Variants in WRN observed in about 807,000 individuals in gnomAD.
WRN encodes bifunctional 3'-5' exonuclease/ATP-dependent helicase WRN.
WRN carries 149 observed loss-of-function variants against 180.7 expected under a neutral mutation model. The observed-to-expected ratio is 0.82, with a 90% confidence interval of 0.72 to 0.94. The LOEUF (loss-of-function observed/expected upper bound fraction) is 0.94. WRN is among the 40% of genes least tolerant of loss of function. The pLI is 0.00. For missense variants in WRN, 1,661 were observed against 1,700.1 expected, an observed-to-expected ratio of 0.98 and a Z score of 0.40; for synonymous variants, 548 against 568.9, an observed-to-expected ratio of 0.96 and a Z score of 0.52.
intron 17 of WRN, among the ~76,000 whole-genome samples, chr8:31,099,151 C>A (rs7839546): frequency 0.01 from 1,551 of 151,744 alleles, 28 homozygotes; most frequent in African/African-American, 0.036. Context: ...GTAATCCCAG[C>A]ACTTTGGGAG....
At position 31,064,953 on chromosome 8, in the gene WRN, G is replaced by A. The variant is rs951969651; in HGVS notation, c.394G>A (p.Ala132Thr). 9 of 1,613,644 alleles carry A rather than the reference G, an allele frequency of 5.6e-6. No homozygotes were observed. Among genetic ancestry groups the A allele is most frequent in the Admixed American group, 1.7e-5 (1 of 60,020 alleles). ...QGLKMLLENK[A>T]VKKAGVGIEG... is the part of the protein sequence containing the mutation. The stretch of plus-strand genomic sequence containing the variant: ...ATTAAAAATGTTGCTTGAAAATAAA[G>A]CAGTTAAAAAGGCAGGTGTAGGAAT... Residue 132 changes from alanine (A) to threonine (T), a missense_variant, in exon 5 of 35, where the codon GCA (alanine) becomes ACA (threonine). Around this residue, in one of 3 missense-constraint regions of WRN, gnomAD observed 500 missense variants for 504.1 expected, o/e 0.99. Transcript: ENST00000298139.
At position 31,059,091 on chromosome 8, in the gene WRN, T is replaced by G. The variant is rs534118637; in HGVS notation, c.97-62T>G. ...GAATGCTTCAGTGAACTTTATTATT[T>G]CAGTGAACATTTGTTATTTGATGTG... On this transcript the variant is annotated intron_variant, in intron 2 of 34. Coordinates refer to ENST00000298139, the MANE Select transcript of WRN (RefSeq NM_000553.6). 2.6e-4 allele frequency: 318 copies of G among 1,223,888 alleles called. No individual in the cohort carries two copies. In the Middle Eastern group the frequency reaches 2.8e-3, roughly 11 times the overall value. The allele number at this position is 1,223,888 out of a possible 1,614,324, so 75.8% of individuals were successfully genotyped here.
rs71539917 is a variant in WRN at position 31,140,003 on chromosome 8, G to GTTTTTTTTTTTTTTTTTTT, written c.2968-1415_2968-1397dup. On this transcript the variant is annotated intron_variant, in intron 24 of 34. Transcript: ENST00000298139. ...AAGCTCTATGTTTGTATACTTCTTTGTTTTTTTTTTTTTTTTTTTTTTTTT... is the reference window on the plus strand; with the variant it reads ...AAGCTCTATGTTTGTATACTTCTTTGTTTTTTTTTTTTTTTTTTTTTTTTTTTTTTTTTTTTTTTTTTTT... Among the ~76,000 whole-genome samples the GTTTTTTTTTTTTTTTTTTT allele has an allele frequency of 3.1e-4, 19 of 62,088 alleles. 2 individuals are homozygous for GTTTTTTTTTTTTTTTTTTT. The highest frequency in any genetic ancestry group is 5.9e-4 in the East Asian group (1 of 1,694). The allele number at this position is 62,088 out of a possible 152,430, so 40.7% of individuals were successfully genotyped here.
chr8:31,050,721 C>T (rs1812049247), intron 1 of WRN, among the ~76,000 whole-genome samples: 1 of 152,064 alleles, frequency 6.6e-6, no homozygotes, highest in Non-Finnish European at 1.5e-5. Context: ...TTCAGAGAAA[C>T]ATTGTGAAAT....
At chr8:31,161,838 C>CAAAAAAA (rs1157979302) in intron 33 of WRN, among the ~76,000 whole-genome samples, 4 of 97,764 alleles carry the variant, frequency 4.1e-5, no homozygotes, top group Non-Finnish European at 5.8e-5. Context: ...GACTCTGTCT[C>CAAAAAAA]AAAAAAAAAA....
chr8:31,123,559 T>C (rs1390793125), intron 21 of WRN, among the ~76,000 whole-genome samples: 1 of 152,100 alleles, frequency 6.6e-6, no homozygotes, highest in East Asian at 1.9e-4. Context: ...CATTTGTGTC[T>C]TCAGACTTTC....
chr8:31,034,295 TG>T (rs11574162), intron 1 of WRN, among the ~76,000 whole-genome samples: 47 of 152,362 alleles, frequency 3.1e-4, no homozygotes, highest in Middle Eastern at 3.4e-3. Context: ...ACTACAGGTC[TG>T]CACAGCAAAG....
intron 5 of WRN, among the ~76,000 whole-genome samples, chr8:31,065,322 A>C (rs11574200): frequency 3.9e-5 from 6 of 152,074 alleles, no homozygotes; most frequent in Non-Finnish European, 5.9e-5. Context: ...TATCATACAG[A>C]TTATTTTATC....
At chr8:31,084,175 T>C (rs1813433036) in intron 10 of WRN, among the ~76,000 whole-genome samples, 1 of 152,042 alleles carries the variant, frequency 6.6e-6, no homozygotes, top group Non-Finnish European at 1.5e-5. Context: ...ATTTTTATAG[T>C]TTTAGTAGAG....
intron 24 of WRN, among the ~76,000 whole-genome samples, chr8:31,135,801 C>CTCTCTTCTCTTCTCT (rs59676141): frequency 6.6e-5 from 10 of 151,088 alleles, no homozygotes; most frequent in African/African-American, 2.4e-4. Flanking sequence ...GTCTTTTCTT[C>CTCTCTTCTCTTCTCT]TCTCTTCTCT....
chr8:31,097,152 T>G (rs1261577125), intron 17 of WRN, among the ~76,000 whole-genome samples: 1 of 152,228 alleles, frequency 6.6e-6, no homozygotes, highest in African/African-American at 2.4e-5. Flanking sequence ...GTTTCCCCAG[T>G]GCAGTGCTTG....
At chr8:31,091,271 A>G (rs1045350319) in intron 15 of WRN, among the ~76,000 whole-genome samples, 4 of 152,242 alleles carry the variant, frequency 2.6e-5, no homozygotes, top group African/African-American at 9.6e-5. Flanking sequence ...ACATGGAAGT[A>G]TATTTTTTAT....
chr8:31,111,691 A>C lies in WRN; in HGVS notation c.2165A>C (p.Asn722Thr). Residue 722 changes from asparagine (N) to threonine (T), a missense_variant, in exon 19 of 35, where the codon AAT (asparagine) becomes ACT (threonine). This residue lies in a region of WRN where 1,141 missense variants were observed against 1,149.4 expected (regional missense o/e 0.99). Coordinates refer to ENST00000298139, the MANE Select transcript of WRN (RefSeq NM_000553.6). Reference protein sequence around the residue: ...EDIVRCLNLRNPQITCTGFDR... With the variant: ...EDIVRCLNLRTPQITCTGFDR... ...ATTGTACGTTGCTTAAATCTGAGAA[A>C]TCCTCAGATCACCTGTACTGGTTTT... The C allele has an allele frequency of 3.1e-6, 5 of 1,614,078 alleles. No homozygotes were observed. The highest frequency in any genetic ancestry group is 3.4e-6 in the Non-Finnish European group (4 of 1,179,978).
intron 34 of WRN, among the ~76,000 whole-genome samples, chr8:31,169,369 G>A (rs548245966): frequency 6.6e-6 from 1 of 151,668 alleles, no homozygotes; most frequent in Non-Finnish European, 1.5e-5. Flanking sequence ...TTTTACCAAA[G>A]GAGCAACACT....
At chr8:31,139,598 C>T (rs1802527327) in intron 24 of WRN, among the ~76,000 whole-genome samples, 1 of 152,156 alleles carries the variant, frequency 6.6e-6, no homozygotes, top group Non-Finnish European at 1.5e-5. Context: ...CAGGAAGCTT[C>T]TACCTTTGCA....
intron 3 of WRN, among the ~76,000 whole-genome samples, chr8:31,062,159 C>T (rs1196159935): frequency 1.3e-5 from 2 of 152,236 alleles, no homozygotes; most frequent in East Asian, 3.9e-4. Context: ...TCCTGTACTG[C>T]CTGTTGTCTA....
At chr8:31,129,162 T>G (rs1355460790) in intron 23 of WRN, among the ~76,000 whole-genome samples, 1 of 152,178 alleles carries the variant, frequency 6.6e-6, no homozygotes, top group East Asian at 1.9e-4. Context: ...AATTTTTTTT[T>G]GGTAGAGACA....
intron 20 of WRN, among the ~76,000 whole-genome samples, chr8:31,118,643 A>T (rs1349817161): frequency 3.3e-5 from 5 of 152,070 alleles, no homozygotes; most frequent in Admixed American, 3.3e-4. Flanking sequence ...TGACAGCTGT[A>T]GCTCTTAATG....
Position 31,124,555 on chromosome 8 carries a change from T to G in WRN, c.2664T>G (p.Phe888Leu). 3 of 1,612,890 alleles carry G rather than the reference T, an allele frequency of 1.9e-6. No individual in the cohort carries two copies. The highest frequency in any genetic ancestry group is 2.5e-6 in the Non-Finnish European group (3 of 1,179,176). ...TTACTGAGATACGTAATGAGAAGTT[T>G]CGATTATACAAATTAAAGATGATGG... ...HLLTEIRNEKFRLYKLKMMAK... is the reference protein window; with the variant it reads ...HLLTEIRNEKLRLYKLKMMAK... The change falls in exon 22 of 35, where the codon TTT (phenylalanine) becomes TTG (leucine). Residue 888 changes from phenylalanine (F) to leucine (L), a missense_variant. Around this residue, in one of 3 missense-constraint regions of WRN, gnomAD observed 1,141 missense variants for 1,149.4 expected, o/e 0.99. Coordinates refer to ENST00000298139, the MANE Select transcript of WRN (RefSeq NM_000553.6).
Sources: allele counts gnomAD v4.1 joint callset (sites outside exome capture counted in the v4.1 genomes callset), GRCh38; gene constraint gnomAD v4.1.1; regional missense constraint gnomAD v4.1.1; transcripts MANE v1.5; gene names NCBI Gene and HGNC (gene_info 2026-07-23, HGNC 2026-07-21).